Variants in DNAH2 observed in about 807,000 individuals in gnomAD.
DNAH2 encodes the protein dynein axonemal heavy chain 2, also known as axonemal beta dynein heavy chain 2.
A neutral mutation model predicts 523.5 loss-of-function variants in DNAH2; 323 were observed. That is an observed-to-expected ratio of 0.62 (90% CI 0.56 to 0.68). The LOEUF (loss-of-function observed/expected upper bound fraction) is 0.68, where lower values mean the gene tolerates loss of function less well. DNAH2 is among the 30% of genes least tolerant of loss of function. DNAH2 has a pLI of 0.00. For synonymous variants in DNAH2, 2,093 were observed against 2,177.4 expected (o/e 0.96, Z 1.08); for missense variants, 4,907 against 5,701.5 (o/e 0.86, Z 4.49).
chr17:7,829,027 A>T (rs1376204121), intron 77 of DNAH2, among the ~76,000 whole-genome samples: 3 of 141,756 alleles, frequency 2.1e-5, no homozygotes, highest in African/African-American at 7.8e-5. Context: ...CATTATTATT[A>T]TTATTTTTTT....
chr17:7,818,154 C>G (rs374272010), intron 68 of DNAH2, 58 bp downstream of exon 68: 2 of 1,605,828 alleles, frequency 1.2e-6, no homozygotes, highest in South Asian at 1.1e-5. Context: ...AGGGCTGGCT[C>G]TCTGACTGTG....
intron 72 of DNAH2, among the ~76,000 whole-genome samples, 184 bp downstream of exon 72, chr17:7,819,592 C>T (rs1290271489): frequency 6.6e-6 from 1 of 152,254 alleles, no homozygotes; most frequent in Non-Finnish European, 1.5e-5. Flanking sequence ...GATTCCCTGT[C>T]TTGTGTCTGT....
intron 56 of DNAH2, among the ~76,000 whole-genome samples, chr17:7,800,715 A>G (rs1019958289): frequency 4.0e-5 from 6 of 150,472 alleles, no homozygotes; most frequent in African/African-American, 1.5e-4. Flanking sequence ...AAATACAAAA[A>G]AATTAGATGG....
intron 35 of DNAH2, among the ~76,000 whole-genome samples, chr17:7,778,691 CCTGAGTAG>C (rs2151241937): frequency 6.6e-6 from 1 of 152,228 alleles, no homozygotes; most frequent in East Asian, 1.9e-4. Context: ...GCCTCAGCCT[CCTGAGTAG>C]CTGGGATTAC....
At chr17:7,802,859 G>C (rs2077261644) in intron 58 of DNAH2, among the ~76,000 whole-genome samples, 1 of 149,320 alleles carries the variant, frequency 6.7e-6, no homozygotes, top group Admixed American at 6.7e-5. Context: ...TTTTAGTAGA[G>C]ACAGGGTTTC....
chr17:7,755,100 G>A, intron 12 of DNAH2: 1 of 198,178 alleles, frequency 5.0e-6, no homozygotes. Context: ...GCTGGAAGTG[G>A]ATGGAATTCT....
Position 7,757,153 on chromosome 17 carries a change from A to C in DNAH2, c.1967A>C (p.His656Pro). ...YWERLLFETP[H>P]YVVNVAERAE... ...GAGCGGCTGCTGTTTGAGACGCCCC[A>C]TTACGTGGTGAACGTAGCTGAGCGA... The change falls in exon 13 of 86, where the codon CAT (histidine) becomes CCT (proline). Residue 656 changes from histidine to proline, a missense_variant. Physicochemically the swap from His to Pro is moderately conservative, Grantham distance 77. Around this residue, in one of 3 missense-constraint regions of DNAH2, gnomAD observed 2,806 missense variants for 3,190.8 expected, o/e 0.88. Transcript: ENST00000572933. The C allele has an allele frequency of 6.2e-7, 1 of 1,614,178 alleles. No homozygotes were observed. The highest frequency in any genetic ancestry group is 8.5e-7 in the Non-Finnish European group (1 of 1,180,036).
chr17:7,787,249 T>C (rs2076765313), intron 42 of DNAH2: 2 of 646,102 alleles, frequency 3.1e-6, no homozygotes, highest in Admixed American at 3.0e-5. Context: ...CACCCTCTGT[T>C]GTAAGCACTG....
chr17:7,735,078 TTCCAAGGAAAA>T (rs2075102404), intron 7 of DNAH2, among the ~76,000 whole-genome samples: 1 of 152,170 alleles, frequency 6.6e-6, no homozygotes, highest in Non-Finnish European at 1.5e-5. Context: ...TGAATCTGCC[TTCCAAGGAAAA>T]TCCAAGGAAA....
intron 30 of DNAH2, among the ~76,000 whole-genome samples, chr17:7,775,603 T>G (rs2076427146): frequency 6.6e-6 from 1 of 150,960 alleles, no homozygotes; most frequent in Non-Finnish European, 1.5e-5. Flanking sequence ...GAGAATCACT[T>G]GAACCTGGGA....
intron 11 of DNAH2, 102 bp downstream of exon 11, chr17:7,741,094 C>A (rs2075301380): frequency 7.0e-7 from 1 of 1,421,686 alleles, no homozygotes; most frequent in Non-Finnish European, 9.3e-7. Flanking sequence ...AGGACCAGCA[C>A]CTATGTCGGT....
rs1347201615 is a variant in DNAH2, at chr17:7,727,223, A to G, written c.330A>G (p.Thr110=). 1 of 1,611,724 alleles carries G rather than the reference A, an allele frequency of 6.2e-7. No homozygotes were observed. The highest frequency in any genetic ancestry group is 1.3e-5 in the African/African-American group (1 of 74,914). ...TGGAACACTTTGCCCAGGACCCTAC[A>G]GAATCCATCCTCACCATCTTCATTG... ...AILEHFAQDP[T]ESILTIFIDP... Residue 110 remains threonine, a synonymous_variant, in exon 4 of 86, where the codon ACA becomes ACG. Transcript: ENST00000572933.
chr17:7,791,892 T>C (rs778733456), intron 44 of DNAH2, 25 bp from the exon 45 acceptor site: 12 of 1,608,234 alleles, frequency 7.5e-6, no homozygotes, highest in Non-Finnish European at 9.3e-6. Context: ...AGGTGGGTTA[T>C]TTCCTCTTCT....
At chr17:7,750,553 C>T (rs1397433213) in intron 12 of DNAH2, among the ~76,000 whole-genome samples, 1 of 152,052 alleles carries the variant, frequency 6.6e-6, no homozygotes, top group Non-Finnish European at 1.5e-5. Context: ...CAACTGTTTT[C>T]CTGCCCTCTG....
At chr17:7,721,839 C>A (rs532858277) in intron 2 of DNAH2, among the ~76,000 whole-genome samples, 28 of 152,240 alleles carry the variant, frequency 1.8e-4, no homozygotes, top group African/African-American at 6.5e-4. Flanking sequence ...ACTGAATGCT[C>A]AGCAGGCCAG....
At position 7,824,680 on chromosome 17, in the gene DNAH2, A is replaced by G. The variant is rs771840109; in HGVS notation, c.11806A>G (p.Ile3936Val). Residue 3936 changes from isoleucine to valine, a missense_variant, in exon 77 of 86, where the codon ATC becomes GTC. This residue lies in a region of DNAH2 where 1,851 missense variants were observed against 2,139.4 expected (regional missense o/e 0.87). Coordinates refer to ENST00000572933, the MANE Select transcript of DNAH2 (RefSeq NM_020877.5). Reference protein sequence around the residue: ...LSSIPHPDFPISILQVSIKMT... With the variant: ...LSSIPHPDFPVSILQVSIKMT... Reference sequence around the variant, plus strand: ...CTCCATCCCCCACCCAGACTTCCCTATCTCAATCTTGCAGGTCAGCATCAA... The same window carrying G: ...CTCCATCCCCCACCCAGACTTCCCTGTCTCAATCTTGCAGGTCAGCATCAA... The G allele has an allele frequency of 1.2e-6, 2 of 1,601,006 alleles. No individual in the cohort carries two copies. The highest frequency in any genetic ancestry group is 4.5e-5 in the East Asian group (2 of 43,964).
intron 12 of DNAH2, chr17:7,743,805 C>T (rs1249534193): frequency 6.3e-6 from 1 of 159,224 alleles, no homozygotes; most frequent in Non-Finnish European, 1.4e-5. Context: ...CAGACCATGC[C>T]TTCTTCTACA....
chr17:7,824,043 G>C, intron 75 of DNAH2, 61 bp downstream of exon 75: 1 of 1,586,690 alleles, frequency 6.3e-7, no homozygotes, highest in Non-Finnish European at 8.6e-7. Context: ...CCCTCGCTCT[G>C]TTTCAGTCTC....
chr17:7,765,526 A>G lies in DNAH2; in HGVS notation c.3472A>G (p.Lys1158Glu), dbSNP rs2076142305. 6.2e-7 allele frequency: 1 copy of G among 1,614,174 alleles called. No individual in the cohort carries two copies. ...GATCCACTCGGCAGATGACTTCAAG[A>G]AGAAAGCACATACACTTCTGGAAGA... ...GLIHSADDFK[K>E]KAHTLLEDFE... Residue 1158 changes from lysine to glutamate, a missense_variant, in exon 21 of 86, where the codon AAG (lysine) becomes GAG (glutamate). By Grantham distance (56) the Lys-to-Glu change is moderately conservative. Around this residue, in one of 3 missense-constraint regions of DNAH2, gnomAD observed 2,806 missense variants for 3,190.8 expected, o/e 0.88. Coordinates refer to ENST00000572933, the MANE Select transcript of DNAH2 (RefSeq NM_020877.5).
Sources: allele counts gnomAD v4.1 joint callset (sites outside exome capture counted in the v4.1 genomes callset), GRCh38; gene constraint gnomAD v4.1.1; regional missense constraint gnomAD v4.1.1; transcripts MANE v1.5; gene names NCBI Gene and HGNC (gene_info 2026-07-23, HGNC 2026-07-21).